The following KLHL5 variants were observed in gnomAD, a reference collection of about 807,000 sequenced individuals.
KLHL5 encodes the protein kelch like family member 5, also known as kelch-like protein 5.
A neutral mutation model predicts 77.7 loss-of-function variants in KLHL5; 48 were observed. That is an observed-to-expected ratio of 0.62 (90% CI 0.49 to 0.79). The LOEUF is 0.79. Among genes scored for constraint, KLHL5 ranks in the 30% least tolerant of loss-of-function variants. The pLI is 0.00. For missense variants in KLHL5, 723 were observed against 859.7 expected (o/e 0.84, Z 1.99); for synonymous variants, 260 against 297.0 (o/e 0.88, Z 1.28).
chr4:39,067,599 ATTCTC>A (rs1363632780), intron 1 of KLHL5, among the ~76,000 whole-genome samples: 2 of 151,896 alleles, frequency 1.3e-5, no homozygotes, highest in African/African-American at 4.8e-5. Flanking sequence ...TCTTCAGTTA[ATTCTC>A]TTCTCTTAGT....
intron 6 of KLHL5, among the ~76,000 whole-genome samples, chr4:39,102,371 A>G (rs149794765): frequency 6.8e-6 from 1 of 147,350 alleles, no homozygotes; most frequent in East Asian, 2.0e-4. Flanking sequence ...GAGTCCTGGA[A>G]TCTTCCAATT....
chr4:39,073,070 A>G (rs1718639662), intron 1 of KLHL5, among the ~76,000 whole-genome samples: 1 of 152,190 alleles, frequency 6.6e-6, no homozygotes, highest in Admixed American at 6.5e-5. Flanking sequence ...AAATATATAT[A>G]ATTGTTATTT....
At chr4:39,127,789 A>G (rs1259751085), downstream of KLHL5, among the ~76,000 whole-genome samples, 1 of 152,150 alleles carries the variant, frequency 6.6e-6, no homozygotes, top group Non-Finnish European at 1.5e-5. Context: ...GGAAGGAAAG[A>G]GGTCCCTGCT....
intron 1 of KLHL5, among the ~76,000 whole-genome samples, chr4:39,069,866 A>AT (rs1324352783): frequency 1.3e-5 from 2 of 152,156 alleles, no homozygotes; most frequent in African/African-American, 2.4e-5. Flanking sequence ...GTTCACATAA[A>AT]TAAAAAGTCC....
In KLHL5 at chr4:39,121,734, A is replaced by G. The variant is rs1228275903; in HGVS notation, c.*668A>G. On this transcript the variant is annotated 3_prime_UTR_variant, in exon 11 of 11. Coordinates refer to ENST00000504108, the MANE Select transcript of KLHL5 (RefSeq NM_015990.5). ...TCCATTACATCTAGACTCACCAAGA[A>G]CTACATGTTATGATGTTAAGTTGAA... is the stretch of plus-strand genomic sequence containing the variant. The G allele has an allele frequency of 6.6e-6, 1 of 152,632 alleles. No individual in the cohort carries two copies. 9.5% of individuals were successfully genotyped at this position (152,632 alleles called of 1,614,324 possible). A position where few individuals can be genotyped will look rare whatever the true frequency, so the allele number is the denominator to read the frequency against.
chr4:39,045,399 G>C (rs1183450645), intron 1 of KLHL5, among the ~76,000 whole-genome samples: 1 of 151,906 alleles, frequency 6.6e-6, no homozygotes, highest in Non-Finnish European at 1.5e-5. Flanking sequence ...CGCGGTGCTG[G>C]TGGCCGGCAG....
At chr4:39,115,613 ACTGGAGGGCTG>A in intron 10 of KLHL5, 1 of 1,404,954 alleles carries the variant, frequency 7.1e-7, no homozygotes, top group Admixed American at 3.2e-5. Context: ...TGATAGGACT[ACTGGAGGGCTG>A]CAACAATGGG....
At chr4:39,054,962 A>G (rs1203709423) in intron 1 of KLHL5, among the ~76,000 whole-genome samples, 1 of 152,270 alleles carries the variant, frequency 6.6e-6, no homozygotes, top group Non-Finnish European at 1.5e-5. Flanking sequence ...ATTATAAAAC[A>G]TTAGTAAACA....
At chr4:39,129,157 A>G (rs1336165079), downstream of KLHL5, among the ~76,000 whole-genome samples, 1 of 139,174 alleles carries the variant, frequency 7.2e-6, no homozygotes, top group Non-Finnish European at 1.5e-5. The surrounding 1 kb of genome is among the most constrained non-coding windows in gnomAD (Gnocchi z 4.2). Flanking sequence ...ATTACAACAT[A>G]TTTTCTTAAA....
chr4:39,070,992 G>A (rs1252461162), intron 1 of KLHL5, among the ~76,000 whole-genome samples: 1 of 152,012 alleles, frequency 6.6e-6, no homozygotes, highest in Non-Finnish European at 1.5e-5. Flanking sequence ...GATGCACAAG[G>A]TGATCAATTG....
intron 1 of KLHL5, among the ~76,000 whole-genome samples, chr4:39,073,615 A>G (rs1199827543): frequency 6.6e-6 from 1 of 151,956 alleles, no homozygotes; most frequent in Admixed American, 6.5e-5. Flanking sequence ...ATCAAAAAAT[A>G]TTTTAAATCT....
chr4:39,115,626 A>G, intron 10 of KLHL5: 1 of 1,368,220 alleles, frequency 7.3e-7, no homozygotes, highest in Non-Finnish European at 9.4e-7. Context: ...GGAGGGCTGC[A>G]ACAATGGGAG....
At chr4:39,069,388 C>A (rs1333812706) in intron 1 of KLHL5, among the ~76,000 whole-genome samples, 1 of 146,552 alleles carries the variant, frequency 6.8e-6, no homozygotes. Flanking sequence ...CTTCAGAGTT[C>A]TTTGGATCTA....
intron 2 of KLHL5, among the ~76,000 whole-genome samples, chr4:39,078,978 G>T (rs1224825669): frequency 2.0e-5 from 3 of 151,368 alleles, no homozygotes; most frequent in Non-Finnish European, 2.9e-5. Context: ...AAAATTTTCA[G>T]TGACTCAATT....
the KLHL5 span, among the ~76,000 whole-genome samples, chr4:39,140,120 G>GT: frequency 2.1e-5 from 3 of 145,504 alleles, no homozygotes; most frequent in Admixed American, 6.7e-5. Context: ...CCAGCTACTT[G>GT]GGGGGGGCTG....
chr4:39,073,177 C>T (rs543782610), intron 1 of KLHL5, among the ~76,000 whole-genome samples: 14 of 152,198 alleles, frequency 9.2e-5, no homozygotes, highest in African/African-American at 2.4e-4. Flanking sequence ...TTGAACACTG[C>T]GACTGAAATG....
intron 8 of KLHL5, among the ~76,000 whole-genome samples, chr4:39,110,275 T>C (rs1722358176): frequency 6.6e-6 from 1 of 152,208 alleles, no homozygotes; most frequent in African/African-American, 2.4e-5. Context: ...CTGTGTTTTG[T>C]CTTGATTGTC....
At chr4:39,087,925 A>G (rs1169073848) in intron 5 of KLHL5, among the ~76,000 whole-genome samples, 2 of 152,210 alleles carry the variant, frequency 1.3e-5, no homozygotes, top group Non-Finnish European at 2.9e-5. Flanking sequence ...ACAGTAATCA[A>G]TATGGATGCT....
chr4:39,062,833 T>C lies in KLHL5; in HGVS notation c.181T>C (p.Leu61=), dbSNP rs747451234. 16 of 1,614,172 alleles carry C rather than the reference T, an allele frequency of 9.9e-6. No homozygotes were observed. Among genetic ancestry groups the C allele is most frequent in the Non-Finnish European group, 1.4e-5 (16 of 1,180,018 alleles). The change falls in exon 1 of 11, where the codon TTG becomes CTG. Residue 61 remains leucine, a synonymous_variant. Transcript: ENST00000504108. The part of the protein sequence containing the change: ...RKFLDPCSLQ[L]PLASIGYRRS... ...GTTTTTAGATCCATGTAGCCTACAATTGCCTTTGGCTTCAATTGGTTACCG... is the reference window on the plus strand; with the variant it reads ...GTTTTTAGATCCATGTAGCCTACAACTGCCTTTGGCTTCAATTGGTTACCG...
Sources: gnomAD v4.1 joint callset for allele counts (sites outside exome capture counted in the v4.1 genomes callset) on GRCh38, gnomAD v4.1.1 for gene constraint, Gnocchi (gnomAD v3.1) non-coding constraint, MANE v1.5 for transcripts, NCBI Gene and HGNC (gene_info 2026-07-23, HGNC 2026-07-21) for gene names.